Variants in ASIC2 observed in about 807,000 individuals in gnomAD.
The protein encoded by ASIC2 is acid sensing ion channel subunit 2.
ASIC2 carries 25 observed loss-of-function variants against 57.3 expected under a neutral mutation model. The ratio of observed to expected loss-of-function variants is 0.44; its 90% CI spans 0.32 to 0.61. The LOEUF is 0.61. ASIC2 is among the 20% of genes least tolerant of loss of function. The pLI is 0.06. For missense variants in ASIC2, 641 were observed against 738.1 expected, an observed-to-expected ratio of 0.87 and a Z score of 1.52; for synonymous variants, 319 against 307.5, an observed-to-expected ratio of 1.04 and a Z score of -0.39.
chr17:33,521,247 C>G (rs577752730), intron 1 of ASIC2, among the ~76,000 whole-genome samples: 5 of 152,040 alleles, frequency 3.3e-5, no homozygotes, highest in Admixed American at 6.6e-5. Context: ...ACACTGTCGT[C>G]GGCCAAGGGG....
chr17:33,709,402 A>G lies in ASIC2; in HGVS notation c.555+446576T>C, dbSNP rs75019940. On this transcript the variant is annotated intron_variant, in intron 1 of 9. Coordinates refer to the ASIC2 transcript ENST00000359872. Reference sequence around the variant, plus strand: ...ATGGAGAGATAATCTCGGATTATTCATTCAGATGAACCTAATGTACTCACA... The same window carrying G: ...ATGGAGAGATAATCTCGGATTATTCGTTCAGATGAACCTAATGTACTCACA... 6.8e-3 allele frequency among the ~76,000 whole-genome samples: 1,031 copies of G among 152,330 alleles called. 29 individuals are homozygous for G. In the East Asian group the frequency reaches 0.08, roughly 12 times the overall value.
chr17:33,084,935 A>T (rs2092129128), intron 3 of ASIC2, among the ~76,000 whole-genome samples: 1 of 152,240 alleles, frequency 6.6e-6, no homozygotes, highest in Middle Eastern at 3.2e-3. Flanking sequence ...GCCCAAGAGT[A>T]TATTCTTTAG....
At chr17:33,715,246 C>T (rs763763901) in intron 1 of ASIC2, among the ~76,000 whole-genome samples, 3 of 152,116 alleles carry the variant, frequency 2.0e-5, no homozygotes, top group Non-Finnish European at 4.4e-5. Context: ...AAGCGATCCT[C>T]GCACCTCAGC....
chr17:33,258,574 C>T (rs967805021), intron 1 of ASIC2, among the ~76,000 whole-genome samples: 4 of 152,112 alleles, frequency 2.6e-5, no homozygotes, highest in African/African-American at 9.7e-5. Context: ...AGGAAAAGTA[C>T]AGCGGCCCTG....
intron 3 of ASIC2, among the ~76,000 whole-genome samples, chr17:33,065,205 C>T (rs1374515704): frequency 2.6e-5 from 4 of 152,070 alleles, no homozygotes; most frequent in Non-Finnish European, 4.4e-5. Flanking sequence ...GAGACAAAGT[C>T]TTGGTTTGTC....
intron 1 of ASIC2, among the ~76,000 whole-genome samples, chr17:33,793,221 T>A (rs1296328606): frequency 6.6e-6 from 1 of 152,220 alleles, no homozygotes; most frequent in African/African-American, 2.4e-5. Flanking sequence ...ATTCATAGGT[T>A]TTCTAATAAA....
intron 1 of ASIC2, among the ~76,000 whole-genome samples, chr17:33,441,936 G>A (rs1175569558): frequency 6.6e-6 from 1 of 152,050 alleles, no homozygotes; most frequent in Non-Finnish European, 1.5e-5. Flanking sequence ...GGTGACTCAG[G>A]CGTAAACACA....
At chr17:33,456,319 C>A (rs552864812) in intron 1 of ASIC2, among the ~76,000 whole-genome samples, 1 of 152,142 alleles carries the variant, frequency 6.6e-6, no homozygotes, top group South Asian at 2.1e-4. Flanking sequence ...TAAAACAGAC[C>A]AGCCCCCAAT....
At chr17:33,693,778 C>G (rs1453954877) in intron 1 of ASIC2, among the ~76,000 whole-genome samples, 2 of 152,160 alleles carry the variant, frequency 1.3e-5, no homozygotes, top group Non-Finnish European at 2.9e-5. Context: ...AGGTCAAGGT[C>G]AAGGTGAATT....
chr17:34,024,153 G>T (rs1339370770), intron 1 of ASIC2, among the ~76,000 whole-genome samples: 5 of 152,178 alleles, frequency 3.3e-5, no homozygotes. Context: ...TGAAGAGCTG[G>T]AAGCCACAAG....
chr17:34,022,645 A>AC (rs1907220204), intron 1 of ASIC2, among the ~76,000 whole-genome samples: 1 of 152,036 alleles, frequency 6.6e-6, no homozygotes, highest in African/African-American at 2.4e-5. Context: ...AAAAAACAAA[A>AC]AAAAAAACAA....
At chr17:33,702,777 G>C (rs1292843154) in intron 1 of ASIC2, among the ~76,000 whole-genome samples, 1 of 152,158 alleles carries the variant, frequency 6.6e-6, no homozygotes, top group Non-Finnish European at 1.5e-5. Flanking sequence ...AGCTATATAA[G>C]TGTCATATGT....
At chr17:33,444,345 A>G (rs1404379503) in intron 1 of ASIC2, among the ~76,000 whole-genome samples, 2 of 152,196 alleles carry the variant, frequency 1.3e-5, no homozygotes, top group Admixed American at 1.3e-4. Flanking sequence ...AAAAGTCAGG[A>G]CTAGAAATGA....
At chr17:33,037,948 G>C (rs961434728) in intron 3 of ASIC2, among the ~76,000 whole-genome samples, 12 of 152,146 alleles carry the variant, frequency 7.9e-5, no homozygotes, top group African/African-American at 2.7e-4. Flanking sequence ...TCAAGCATTG[G>C]GTGTACAGTT....
intron 1 of ASIC2, among the ~76,000 whole-genome samples, chr17:33,467,891 C>T (rs1477518201): frequency 1.3e-5 from 2 of 152,166 alleles, no homozygotes; most frequent in Admixed American, 6.5e-5. Flanking sequence ...CTCAGGATCC[C>T]CTGAGGGCTG....
At chr17:33,665,046 T>A (rs575481681) in intron 1 of ASIC2, among the ~76,000 whole-genome samples, 129 of 152,308 alleles carry the variant, frequency 8.5e-4, no homozygotes, top group Admixed American at 2.0e-3. Flanking sequence ...ATTTTATTTT[T>A]TTTTTTAAGA....
At chr17:33,967,854 C>A (rs1406067837) in intron 1 of ASIC2, among the ~76,000 whole-genome samples, 2 of 152,196 alleles carry the variant, frequency 1.3e-5, no homozygotes, top group Non-Finnish European at 1.5e-5. Context: ...GGGCCCTGTG[C>A]TCAGAAGGCT....
chr17:33,297,566 G>A (rs1407271234), upstream of ASIC2, among the ~76,000 whole-genome samples: 1 of 152,148 alleles, frequency 6.6e-6, no homozygotes, highest in African/African-American at 2.4e-5. Context: ...GCTCACGCCT[G>A]TAATCCAGCA....
intron 1 of ASIC2, among the ~76,000 whole-genome samples, chr17:33,868,765 A>G (rs982072552): frequency 6.6e-6 from 1 of 152,162 alleles, no homozygotes; most frequent in Non-Finnish European, 1.5e-5. Flanking sequence ...AAATAAATAA[A>G]TAAAAATGTA....
Sources: gnomAD v4.1 joint callset for allele counts (sites outside exome capture counted in the v4.1 genomes callset) on GRCh38, gnomAD v4.1.1 for gene constraint, MANE v1.5 for transcripts, NCBI Gene and HGNC (gene_info 2026-07-23, HGNC 2026-07-21) for gene names.